KCNN2: variants seen among roughly 807,000 people sequenced by gnomAD.
KCNN2 encodes the protein potassium calcium-activated channel subfamily N member 2.
KCNN2 carries 24 observed loss-of-function variants against 55.5 expected under a neutral mutation model. The ratio of observed to expected loss-of-function variants is 0.43; its 90% CI spans 0.31 to 0.61. KCNN2 has a LOEUF of 0.61. Among genes scored for constraint, KCNN2 ranks in the 20% least tolerant of loss-of-function variants. The pLI is 0.08. For missense variants in KCNN2, 754 were observed against 853.6 expected (o/e 0.88, Z 1.45); for synonymous variants, 431 against 336.1 (o/e 1.28, Z -3.09).
chr5:114,132,927 G>T (rs1752099639), intron 1 of KCNN2, among the ~76,000 whole-genome samples: 1 of 152,134 alleles, frequency 6.6e-6, no homozygotes, highest in South Asian at 2.1e-4. Context: ...GATGCCTCCA[G>T]ACATGAGCAC....
At chr5:114,193,556 G>C (rs919934537) in intron 1 of KCNN2, among the ~76,000 whole-genome samples, 3 of 152,166 alleles carry the variant, frequency 2.0e-5, no homozygotes, top group Non-Finnish European at 4.4e-5. Flanking sequence ...GAATAAAGGA[G>C]TTACATAATG....
At chr5:114,243,473 A>C (rs1406017912) in intron 2 of KCNN2, among the ~76,000 whole-genome samples, 1 of 96,240 alleles carries the variant, frequency 1.0e-5, no homozygotes, top group African/African-American at 4.1e-5. Flanking sequence ...TACCTGAACC[A>C]CCCCTTTGTC....
intron 3 of KCNN2, among the ~76,000 whole-genome samples, chr5:114,423,443 A>G (rs75946675): frequency 3.3e-5 from 5 of 152,332 alleles, no homozygotes; most frequent in East Asian, 3.9e-4. Flanking sequence ...GAAGTGTTTC[A>G]TAAGTTGCAT....
At chr5:114,351,989 G>C (rs779323366) in intron 2 of KCNN2, among the ~76,000 whole-genome samples, 2 of 151,610 alleles carry the variant, frequency 1.3e-5, no homozygotes, top group Non-Finnish European at 3.0e-5. Flanking sequence ...TTTTGGGAAA[G>C]GTTTGTGAAA....
chr5:114,246,874 C>G (rs1327603031), intron 2 of KCNN2, among the ~76,000 whole-genome samples: 2 of 151,388 alleles, frequency 1.3e-5, no homozygotes, highest in Non-Finnish European at 2.9e-5. Flanking sequence ...TTTCTAAAAC[C>G]TAAGTTAATG....
intron 4 of KCNN2, among the ~76,000 whole-genome samples, chr5:114,470,129 A>G (rs1761653326): frequency 1.3e-5 from 2 of 152,232 alleles, no homozygotes; most frequent in Non-Finnish European, 2.9e-5. Context: ...GCAGAAAAGA[A>G]TGGAGCCTGA....
chr5:114,195,573 CTT>C (rs1278976877), intron 1 of KCNN2, among the ~76,000 whole-genome samples: 1 of 151,768 alleles, frequency 6.6e-6, no homozygotes, highest in East Asian at 1.9e-4. Context: ...TTCTAATAGT[CTT>C]TTATTTATAT....
chr5:114,123,078 G>A (rs907966352), intron 1 of KCNN2, among the ~76,000 whole-genome samples: 4 of 152,160 alleles, frequency 2.6e-5, no homozygotes, highest in African/African-American at 7.2e-5. Context: ...GGTAGAAAAT[G>A]AATGATGTGA....
intron 4 of KCNN2, among the ~76,000 whole-genome samples, chr5:114,465,615 C>CAA (rs574328581): frequency 4.1e-4 from 50 of 122,580 alleles, no homozygotes; most frequent in East Asian, 3.0e-3. Context: ...TCCATCATCT[C>CAA]AAAAAAAAAA....
At chr5:114,207,553 C>T (rs969871565) in intron 1 of KCNN2, among the ~76,000 whole-genome samples, 25 of 152,114 alleles carry the variant, frequency 1.6e-4, no homozygotes, top group Non-Finnish European at 5.9e-5. Flanking sequence ...GCATCTTAAG[C>T]ATTTTTATTA....
chr5:114,202,565 G>GTATATATATATATA (rs1465277634), intron 1 of KCNN2, among the ~76,000 whole-genome samples: 14 of 92,070 alleles, frequency 1.5e-4, no homozygotes, highest in African/African-American at 4.7e-4. Flanking sequence ...ATATATGTGT[G>GTATATATATATATA]TGTATATATA....
chr5:114,291,382 T>A (rs1755883986), intron 2 of KCNN2, among the ~76,000 whole-genome samples: 1 of 151,966 alleles, frequency 6.6e-6, no homozygotes, highest in Non-Finnish European at 1.5e-5. Context: ...ATGTTCCCCT[T>A]CCTATGTCCA....
At chr5:114,081,780 A>G (rs1253298627) in intron 1 of KCNN2, among the ~76,000 whole-genome samples, 1 of 152,182 alleles carries the variant, frequency 6.6e-6, no homozygotes, top group East Asian at 1.9e-4. Context: ...GATTTCATGA[A>G]CATTTTAAGT....
intron 2 of KCNN2, among the ~76,000 whole-genome samples, chr5:114,236,659 A>C (rs1330814068): frequency 6.6e-6 from 1 of 152,238 alleles, no homozygotes; most frequent in Non-Finnish European, 1.5e-5. Context: ...CCAGGCCAAT[A>C]TCATCCCGAC....
At chr5:114,324,098 C>T (rs553226130) in intron 2 of KCNN2, among the ~76,000 whole-genome samples, 5 of 152,272 alleles carry the variant, frequency 3.3e-5, no homozygotes, top group Non-Finnish European at 7.4e-5. Context: ...AGCAATACAT[C>T]AAAATAATTG....
At chr5:114,145,905 G>A (rs556861100) in intron 1 of KCNN2, among the ~76,000 whole-genome samples, 5 of 152,202 alleles carry the variant, frequency 3.3e-5, no homozygotes, top group East Asian at 1.9e-4. Flanking sequence ...AGGAGTTAGC[G>A]TGGTTATTTT....
intron 1 of KCNN2, among the ~76,000 whole-genome samples, chr5:114,160,225 A>C (rs1428095490): frequency 1.3e-5 from 2 of 152,154 alleles, no homozygotes; most frequent in Admixed American, 6.5e-5. Context: ...ATTGGTTTCA[A>C]AGAACATCTT....
intron 7 of KCNN2, among the ~76,000 whole-genome samples, chr5:114,495,194 G>A (rs1748054355): frequency 6.6e-6 from 1 of 152,122 alleles, no homozygotes; most frequent in Non-Finnish European, 1.5e-5. Flanking sequence ...CTTTGATTAA[G>A]CCATAGCCAG....
chr5:114,268,708 T>C (rs1305892973), intron 2 of KCNN2, among the ~76,000 whole-genome samples: 1 of 152,208 alleles, frequency 6.6e-6, no homozygotes, highest in Non-Finnish European at 1.5e-5. Flanking sequence ...TCTGCCCAGA[T>C]AGAGCCATTT....
Sources: allele counts gnomAD v4.1 joint callset (sites outside exome capture counted in the v4.1 genomes callset), GRCh38; gene constraint gnomAD v4.1.1; transcripts MANE v1.5; gene names NCBI Gene and HGNC (gene_info 2026-07-23, HGNC 2026-07-21).